F13A1: variants seen among roughly 807,000 people sequenced by gnomAD.
F13A1 encodes the protein coagulation factor XIII A chain.
Under a neutral mutation model 80.1 loss-of-function variants are expected in F13A1, and 47 were observed. That is an observed-to-expected ratio of 0.59 (90% confidence interval 0.46 to 0.75). The LOEUF (loss-of-function observed/expected upper bound fraction) is 0.75, where lower values mean the gene tolerates loss of function less well. Ranked by LOEUF, F13A1 falls within the 30% of genes least tolerant of loss-of-function variation. The pLI, the probability that F13A1 is intolerant of heterozygous loss-of-function variation, is 0.00. For missense variants in F13A1, 817 were observed against 930.4 expected (o/e 0.88, Z 1.59); for synonymous variants, 349 against 344.9 (o/e 1.01, Z -0.13).
intron 10 of F13A1, among the ~76,000 whole-genome samples, chr6:6,190,638 A>G (rs1489422201): frequency 6.6e-6 from 1 of 151,958 alleles, no homozygotes; most frequent in African/African-American, 2.4e-5. Flanking sequence ...GCTGTCAGAC[A>G]GGGACATTTA....
chr6:6,310,851 T>C (rs1758579995), intron 2 of F13A1, among the ~76,000 whole-genome samples: 2 of 152,160 alleles, frequency 1.3e-5, no homozygotes, highest in African/African-American at 4.8e-5. Flanking sequence ...GGTGTGAGGC[T>C]GGAATCTGAG....
intron 13 of F13A1, among the ~76,000 whole-genome samples, chr6:6,160,648 G>A (rs1170042415): frequency 6.6e-6 from 1 of 152,078 alleles, no homozygotes; most frequent in Non-Finnish European, 1.5e-5. Flanking sequence ...CTCTGATAAT[G>A]GTTTTGAAAG....
intron 10 of F13A1, among the ~76,000 whole-genome samples, chr6:6,184,748 C>T (rs923496422): frequency 3.3e-5 from 5 of 152,146 alleles, no homozygotes; most frequent in Non-Finnish European, 5.9e-5. Context: ...TCCTGCCCCC[C>T]CACCTTGAAT....
intron 6 of F13A1, among the ~76,000 whole-genome samples, chr6:6,235,705 C>T (rs1421415304): frequency 1.3e-5 from 2 of 152,012 alleles, no homozygotes; most frequent in Non-Finnish European, 2.9e-5. Flanking sequence ...AATGCCCATC[C>T]AATTTAGGAA....
chr6:6,221,516 G>A (rs1307015835), intron 8 of F13A1, among the ~76,000 whole-genome samples: 1 of 152,172 alleles, frequency 6.6e-6, no homozygotes, highest in African/African-American at 2.4e-5. Flanking sequence ...CTCAACAGAT[G>A]TATGACCGTG....
At chr6:6,308,946 A>T (rs1024908636) in intron 2 of F13A1, among the ~76,000 whole-genome samples, 5 of 152,144 alleles carry the variant, frequency 3.3e-5, no homozygotes, top group African/African-American at 1.2e-4. Flanking sequence ...AGGCCCCTAC[A>T]AGTCACCCAC....
intron 13 of F13A1, among the ~76,000 whole-genome samples, chr6:6,166,629 G>A (rs3024451): frequency 0.012 from 1,860 of 152,282 alleles, 39 homozygotes; most frequent in African/African-American, 0.042. Flanking sequence ...TCCAGGGCAG[G>A]AAGGCGTCTC....
chr6:6,161,553 A>G (rs10685160), intron 13 of F13A1, among the ~76,000 whole-genome samples: 2 of 118,198 alleles, frequency 1.7e-5, no homozygotes, highest in Admixed American at 1.7e-4. Flanking sequence ...TGTGTGTGTG[A>G]GAGAGAGAGA....
intron 10 of F13A1, among the ~76,000 whole-genome samples, chr6:6,191,220 T>C (rs553382703): frequency 1.3e-5 from 2 of 152,372 alleles, no homozygotes; most frequent in South Asian, 4.1e-4. Flanking sequence ...AGACTGGAGC[T>C]GTTCCTATTC....
At chr6:6,151,773 C>T in intron 14 of F13A1, 40 bp downstream of exon 14, 1 of 1,613,604 alleles carries the variant, frequency 6.2e-7, no homozygotes, top group Non-Finnish European at 8.5e-7. Flanking sequence ...CTTCCCACAG[C>T]CCTGCACTGC....
intron 10 of F13A1, among the ~76,000 whole-genome samples, chr6:6,193,828 T>A (rs2151081459): frequency 6.6e-6 from 1 of 152,248 alleles, no homozygotes; most frequent in Non-Finnish European, 1.5e-5. Flanking sequence ...CGTAGCATCA[T>A]AAACTATCAA....
At chr6:6,220,583 GTGTC>G (rs976631410) in intron 8 of F13A1, among the ~76,000 whole-genome samples, 1 of 151,886 alleles carries the variant, frequency 6.6e-6, no homozygotes, top group African/African-American at 2.4e-5. Flanking sequence ...GTGTGTGTGT[GTGTC>G]TGTGTGTTTT....
chr6:6,204,188 C>T (rs996513549), intron 8 of F13A1, among the ~76,000 whole-genome samples: 1 of 152,192 alleles, frequency 6.6e-6, no homozygotes, highest in Non-Finnish European at 1.5e-5. Flanking sequence ...TAACTAACTG[C>T]TTAAACAGTC....
chr6:6,242,800 A>G (rs1757500647), intron 6 of F13A1, among the ~76,000 whole-genome samples: 1 of 152,188 alleles, frequency 6.6e-6, no homozygotes, highest in Non-Finnish European at 1.5e-5. Context: ...AAATAATAGC[A>G]TGGTTAATTA....
chr6:6,158,088 T>C (rs1223634207), intron 13 of F13A1, among the ~76,000 whole-genome samples: 2 of 152,146 alleles, frequency 1.3e-5, no homozygotes, highest in Non-Finnish European at 2.9e-5. Context: ...GAGTCAGCTA[T>C]GGGAGCAGGG....
intron 8 of F13A1, among the ~76,000 whole-genome samples, chr6:6,220,149 G>A (rs1244054128): frequency 6.6e-6 from 1 of 152,084 alleles, no homozygotes; most frequent in Non-Finnish European, 1.5e-5. Flanking sequence ...TCTCAGCCCC[G>A]CAGTCAGTCA....
chr6:6,182,204 C>A (rs1471860293), intron 10 of F13A1, 63 bp from the exon 11 acceptor site: 1 of 1,580,990 alleles, frequency 6.3e-7, no homozygotes, highest in Non-Finnish European at 8.7e-7. Flanking sequence ...AAGTCTTTAA[C>A]TGTCCATAGA....
At position 6,238,205 on chromosome 6, in the gene F13A1, TGAA is replaced by T. The variant is rs558094943; in HGVS notation, c.798+10104_798+10106del. Among the ~76,000 whole-genome samples, 10 of 152,178 alleles carry T rather than the reference TGAA, an allele frequency of 6.6e-5. No individual in the cohort carries two copies. In the South Asian group the frequency reaches 2.1e-3, roughly 32 times the overall value. On this transcript the variant is annotated intron_variant, in intron 6 of 14. Coordinates refer to ENST00000264870, the MANE Select transcript of F13A1 (RefSeq NM_000129.4). Reference sequence around the variant, plus strand: ...TGACAAAGTCACCAAAGCAATTCAATGAAGAAAATGACAGTCTTTTCAACAAAG... The same window carrying T: ...TGACAAAGTCACCAAAGCAATTCAATGAAAATGACAGTCTTTTCAACAAAG...
chr6:6,172,216 A>G (rs186167208), intron 12 of F13A1, among the ~76,000 whole-genome samples: 21 of 152,274 alleles, frequency 1.4e-4, no homozygotes, highest in Non-Finnish European at 2.8e-4. Context: ...AGAGTGCTTA[A>G]GTACCTTGCT....
Sources: allele counts gnomAD v4.1 joint callset (sites outside exome capture counted in the v4.1 genomes callset), GRCh38; gene constraint gnomAD v4.1.1; transcripts MANE v1.5; gene names NCBI Gene and HGNC (gene_info 2026-07-23, HGNC 2026-07-21).